The following CD38 variants were observed in gnomAD, a reference collection of about 807,000 sequenced individuals.
CD38 encodes CD38 molecule.
CD38 carries 31 observed loss-of-function variants against 36.3 expected under a neutral mutation model. The observed-to-expected ratio is 0.85, with a 90% confidence interval of 0.64 to 1.15. The LOEUF is 1.15. CD38 is among the 50% of genes most tolerant of loss of function. The pLI is 0.00. For synonymous variants in CD38, 131 were observed against 135.2 expected (o/e 0.97, Z 0.22); for missense variants, 380 against 371.9 (o/e 1.02, Z -0.18).
chr4:15,822,990 A>T (rs1485206877), intron 2 of CD38, among the ~76,000 whole-genome samples: 2 of 152,146 alleles, frequency 1.3e-5, no homozygotes, highest in Non-Finnish European at 1.5e-5. Flanking sequence ...AAACACATAG[A>T]CCAATAGAAC....
intron 2 of CD38, among the ~76,000 whole-genome samples, chr4:15,818,164 G>C (rs931239480): frequency 1.7e-4 from 24 of 142,436 alleles, no homozygotes; most frequent in African/African-American, 5.3e-4. Flanking sequence ...GGAGCTGGGT[G>C]GGGGGAGGGG....
intron 1 of CD38, among the ~76,000 whole-genome samples, chr4:15,788,849 C>T (rs1336134040): frequency 6.6e-6 from 1 of 152,154 alleles, no homozygotes; most frequent in Non-Finnish European, 1.5e-5. Flanking sequence ...TATTTTGAGG[C>T]TCTGAGTAGA....
chr4:15,799,598 T>G (rs1484113454), intron 1 of CD38, among the ~76,000 whole-genome samples: 1 of 152,242 alleles, frequency 6.6e-6, no homozygotes, highest in Non-Finnish European at 1.5e-5. Flanking sequence ...ATTGGGTCTA[T>G]TGTGTGTATA....
intron 5 of CD38, among the ~76,000 whole-genome samples, chr4:15,839,601 T>C (rs1302935369): frequency 6.6e-6 from 1 of 151,614 alleles, no homozygotes; most frequent in Non-Finnish European, 1.5e-5. Flanking sequence ...TTTTTTGTAT[T>C]TTTAGTAGAG....
intron 4 of CD38, among the ~76,000 whole-genome samples, chr4:15,834,945 A>G (rs140434012): frequency 6.6e-6 from 1 of 152,262 alleles, no homozygotes; most frequent in East Asian, 1.9e-4. Context: ...TATGGGGTAT[A>G]TAGTGATGTG....
chr4:15,814,303 C>A (rs889964866), intron 1 of CD38, among the ~76,000 whole-genome samples: 2 of 151,864 alleles, frequency 1.3e-5, no homozygotes, highest in African/African-American at 2.4e-5. Flanking sequence ...TTGTTTTTTT[C>A]TTGTAAATTT....
At chr4:15,814,792 T>G (rs1234467851) in intron 1 of CD38, among the ~76,000 whole-genome samples, 2 of 105,168 alleles carry the variant, frequency 1.9e-5, no homozygotes, top group Non-Finnish European at 3.7e-5. Context: ...TCTGTTTTTG[T>G]TTTTTGTTTT....
chr4:15,809,336 T>C (rs1383548813), intron 1 of CD38, among the ~76,000 whole-genome samples: 2 of 152,244 alleles, frequency 1.3e-5, no homozygotes, highest in Non-Finnish European at 2.9e-5. Context: ...GTTGAATAAC[T>C]GCTGGTCTAA....
intron 1 of CD38, among the ~76,000 whole-genome samples, chr4:15,787,567 A>G (rs1318925546): frequency 6.6e-6 from 1 of 152,162 alleles, no homozygotes; most frequent in Non-Finnish European, 1.5e-5. Context: ...GCCTCCTTTT[A>G]GGGAGTCACG....
intron 2 of CD38, among the ~76,000 whole-genome samples, chr4:15,824,052 C>A (rs1473673675): frequency 6.6e-6 from 1 of 152,098 alleles, no homozygotes; most frequent in Non-Finnish European, 1.5e-5. Flanking sequence ...AACACAGGAA[C>A]ATGCAAATGC....
At chr4:15,811,001 G>T (rs995137923) in intron 1 of CD38, among the ~76,000 whole-genome samples, 2 of 152,148 alleles carry the variant, frequency 1.3e-5, no homozygotes, top group Non-Finnish European at 2.9e-5. Flanking sequence ...TCTTCGTTTT[G>T]ATTTCTACTT....
chr4:15,825,081 G>A, intron 3 of CD38, 65 bp downstream of exon 3: 1 of 1,517,658 alleles, frequency 6.6e-7, no homozygotes, highest in Non-Finnish European at 8.9e-7. Context: ...ACTTCTGCTG[G>A]AGGCCCTGAA....
intron 4 of CD38, among the ~76,000 whole-genome samples, chr4:15,836,557 T>C (rs147542594): frequency 1.1e-4 from 16 of 152,258 alleles, no homozygotes; most frequent in Non-Finnish European, 1.9e-4. Flanking sequence ...AATCCCTACA[T>C]TAAAGGTGAA....
intron 1 of CD38, among the ~76,000 whole-genome samples, chr4:15,812,922 AT>A (rs373271723): frequency 5.1e-4 from 78 of 152,172 alleles, no homozygotes; most frequent in African/African-American, 1.7e-3. Flanking sequence ...TTGATAGTAT[AT>A]TTTTCATTGA....
At chr4:15,813,895 G>A (rs992625021) in intron 1 of CD38, among the ~76,000 whole-genome samples, 3 of 152,138 alleles carry the variant, frequency 2.0e-5, no homozygotes, top group Admixed American at 1.3e-4. Context: ...TGTAAATAGT[G>A]CTCCAATAAA....
intron 4 of CD38, 45 bp from the exon 5 acceptor site, chr4:15,838,047 G>A: frequency 2.1e-6 from 3 of 1,449,214 alleles, no homozygotes; most frequent in African/African-American, 1.4e-5. Flanking sequence ...CTGGAGGATG[G>A]TGATTAAGTT....
At chr4:15,786,572 G>C (rs1285905885) in intron 1 of CD38, among the ~76,000 whole-genome samples, 2 of 152,204 alleles carry the variant, frequency 1.3e-5, no homozygotes, top group Non-Finnish European at 2.9e-5. Context: ...TACAAACCTT[G>C]AGCCAGACAC....
At chr4:15,809,824 T>C (rs1723426494) in intron 1 of CD38, among the ~76,000 whole-genome samples, 2 of 152,184 alleles carry the variant, frequency 1.3e-5, no homozygotes, top group South Asian at 4.1e-4. Flanking sequence ...ATTCATTCCT[T>C]CTCTGCTCCT....
At position 15,852,013 on chromosome 4, in the gene CD38, C is replaced by T. The variant is rs1454674421; in HGVS notation, c.*3411C>T. On this transcript the variant is annotated 3_prime_UTR_variant, in exon 8 of 8. Transcript: ENST00000226279. ...ATGCAGTATTATAATCTTATGAGAC[C>T]GTCATCATATATGTGGTCCACTGTT... The T allele has an allele frequency of 2.0e-5, 3 of 152,242 alleles. No individual in the cohort carries two copies. Among genetic ancestry groups the T allele is most frequent in the Middle Eastern group, 3.4e-3 (1 of 294 alleles). The allele number at this position is 152,242 out of a possible 1,614,324, so 9.4% of individuals were successfully genotyped here.
Sources: allele counts gnomAD v4.1 joint callset (sites outside exome capture counted in the v4.1 genomes callset), GRCh38; gene constraint gnomAD v4.1.1; transcripts MANE v1.5; gene names NCBI Gene and HGNC (gene_info 2026-07-23, HGNC 2026-07-21).